ZFPM1: variants seen among roughly 807,000 people sequenced by gnomAD.
ZFPM1 encodes zinc finger protein ZFPM1.
ZFPM1 carries 28 observed loss-of-function variants against 46.3 expected under a neutral mutation model. The observed-to-expected ratio is 0.60, with a 90% confidence interval of 0.45 to 0.83. The LOEUF is 0.83. Among genes scored for constraint, ZFPM1 ranks in the 40% least tolerant of loss-of-function variants. The probability of loss-of-function intolerance (pLI) is 0.00; values close to 1 mark genes in which losing one functional copy is unlikely to be tolerated. For missense variants in ZFPM1, 1,878 were observed against 1,432.4 expected, an observed-to-expected ratio of 1.31 and a Z score of -5.02; for synonymous variants, 957 against 675.9, an observed-to-expected ratio of 1.42 and a Z score of -6.45.
At chr16:88,526,169 A>G (rs1410777057) in intron 4 of ZFPM1, among the ~76,000 whole-genome samples, 1 of 152,226 alleles carries the variant, frequency 6.6e-6, no homozygotes, top group Admixed American at 6.5e-5. Flanking sequence ...GGTGCTCCCC[A>G]GCGTCCGCCG....
Position 88,486,016 on chromosome 16 carries a change from C to T in ZFPM1, c.118C>T (p.Pro40Ser). 1 of 1,612,666 alleles carries T rather than the reference C, an allele frequency of 6.2e-7. No individual in the cohort carries two copies. Reference protein sequence around the residue: ...ASHMEQKATAPEAPSPPSADV... With the variant: ...ASHMEQKATASEAPSPPSADV... ...CCACATGGAGCAAAAGGCCACGGCA[C>T]CTGAAGCCCCGAGCCCTCCCAGCGC... The change falls in exon 2 of 10, where the codon CCT (proline) becomes TCT (serine). Residue 40 changes from proline to serine, a missense_variant. Pro to Ser is a moderately conservative substitution (Grantham distance 74). Coordinates refer to ENST00000319555, the MANE Select transcript of ZFPM1 (RefSeq NM_153813.3).
At chr16:88,518,065 C>T (rs1407036724) in intron 4 of ZFPM1, among the ~76,000 whole-genome samples, 1 of 152,052 alleles carries the variant, frequency 6.6e-6, no homozygotes, top group East Asian at 1.9e-4. Flanking sequence ...ATTAGCCGGG[C>T]ATGGTGGCGG....
intron 1 of ZFPM1, among the ~76,000 whole-genome samples, chr16:88,473,718 G>T (rs768258540): frequency 2.0e-5 from 3 of 152,144 alleles, no homozygotes; most frequent in Non-Finnish European, 4.4e-5. Context: ...GATTCTCGGG[G>T]CCGTGCTGGG....
chr16:88,496,887 C>T (rs1473036784), intron 3 of ZFPM1, among the ~76,000 whole-genome samples: 2 of 152,154 alleles, frequency 1.3e-5, no homozygotes, highest in African/African-American at 2.4e-5. Flanking sequence ...GTTAGGGAAA[C>T]GGGGGCTCAG....
intron 1 of ZFPM1, among the ~76,000 whole-genome samples, chr16:88,475,477 A>C (rs1380264726): frequency 6.6e-6 from 1 of 151,020 alleles, no homozygotes; most frequent in Admixed American, 6.6e-5. Context: ...CTGTGTCCCA[A>C]TCCCACCCAA....
At chr16:88,452,838 C>A (rs1342159640), upstream of ZFPM1, among the ~76,000 whole-genome samples, 2 of 152,290 alleles carry the variant, frequency 1.3e-5, no homozygotes, top group South Asian at 2.1e-4. Context: ...GCGCAGGATG[C>A]GGTGCCGCGG....
chr16:88,474,768 T>C (rs939687224), intron 1 of ZFPM1, among the ~76,000 whole-genome samples: 3 of 152,148 alleles, frequency 2.0e-5, no homozygotes, highest in Admixed American at 6.5e-5. Context: ...AGGATGTTCA[T>C]TTGCTCCGCT....
chr16:88,517,624 T>C (rs995340407), intron 4 of ZFPM1, among the ~76,000 whole-genome samples: 9 of 147,792 alleles, frequency 6.1e-5, no homozygotes, highest in Admixed American at 6.1e-4. Context: ...GGTGGATGGA[T>C]AGGTGGGTAG....
Position 88,533,853 on chromosome 16 carries a change from C to G in ZFPM1, c.1895C>G (p.Pro632Arg), listed in dbSNP as rs1011207164. ...GCGCCCCCCGGCCAGCCCGCCGAAC[C>G]CGACGCGCCGCGCTCGTCCCCGGGC... ...ARAPPGQPAE[P>R]DAPRSSPGPG... The change falls in exon 10 of 10, where the codon CCC becomes CGC. Residue 632 changes from proline (P) to arginine (R), a missense_variant. By Grantham distance (103) the Pro-to-Arg change is moderately radical. Coordinates refer to ENST00000319555, the MANE Select transcript of ZFPM1 (RefSeq NM_153813.3). The G allele has an allele frequency of 1.0e-6, 1 of 984,598 alleles. No individual in the cohort carries two copies. The highest frequency in any genetic ancestry group is 1.8e-5 in the African/African-American group (1 of 56,332). The allele number at this position is 984,598 out of a possible 1,614,324, so 61.0% of individuals were successfully genotyped here.
At chr16:88,461,277 G>A (rs1374425859) in intron 1 of ZFPM1, among the ~76,000 whole-genome samples, 1 of 150,280 alleles carries the variant, frequency 6.7e-6, no homozygotes, top group Non-Finnish European at 1.5e-5. Context: ...ACGGGTGCGA[G>A]GCCTGGTGAG....
Position 88,501,234 on chromosome 16 carries a change from T to G in ZFPM1, c.268+12081T>G, listed in dbSNP as rs796905946. ...GATGGAGATAGCGGGTGTGGGTGCA[T>G]GGGCTCTCCCGCAGGTACTGGTGAT... On this transcript the variant is annotated intron_variant, in intron 3 of 9. Coordinates refer to ENST00000319555, the MANE Select transcript of ZFPM1 (RefSeq NM_153813.3). Among the ~76,000 whole-genome samples the G allele has an allele frequency of 5.5e-3, 301 of 54,852 alleles. 4 individuals are homozygous for G. The highest frequency in any genetic ancestry group is 7.9e-3 in the African/African-American group (98 of 12,412). The allele number at this position is 54,852 out of a possible 152,430, so 36.0% of individuals were successfully genotyped here.
At chr16:88,532,420 G>A (rs367865908) in intron 7 of ZFPM1, among the ~76,000 whole-genome samples, 185 bp downstream of exon 7, 96 of 152,320 alleles carry the variant, frequency 6.3e-4, no homozygotes, top group South Asian at 6.2e-4. Flanking sequence ...GGCTATCTGG[G>A]TAGTCAGCTG....
At chr16:88,468,911 C>G (rs1908286413) in intron 1 of ZFPM1, 1 of 153,574 alleles carries the variant, frequency 6.5e-6, no homozygotes, top group Admixed American at 6.5e-5. Flanking sequence ...ACCACCGGCT[C>G]TGGAAGGGCC....
rs1567539299 is a variant in ZFPM1 at position 88,497,411 on chromosome 16, A to AGGGGTCAGGGTG, written c.268+8262_268+8273dup. Among the ~76,000 whole-genome samples the AGGGGTCAGGGTG allele has an allele frequency of 4.4e-5, 4 of 89,942 alleles. No homozygotes were observed. Among genetic ancestry groups the AGGGGTCAGGGTG allele is most frequent in the Admixed American group, 1.3e-4 (1 of 7,992 alleles). The allele number at this position is 89,942 out of a possible 152,430, so 59.0% of individuals were successfully genotyped here. A position where few individuals can be genotyped will look rare whatever the true frequency, so the allele number is the denominator to read the frequency against. On this transcript the variant is annotated intron_variant, in intron 3 of 9. Coordinates refer to ENST00000319555, the MANE Select transcript of ZFPM1 (RefSeq NM_153813.3). The surrounding 1 kb of genome is among the most constrained non-coding windows in gnomAD (Gnocchi z 5.4). Reference sequence around the variant, plus strand: ...GGGCCCGGGCGGGGATGGGGTTCAGAGGGGTCAGGGTGGGGCTCAGGGCCT... The same window carrying AGGGGTCAGGGTG: ...GGGCCCGGGCGGGGATGGGGTTCAGAGGGGTCAGGGTGGGGGTCAGGGTGGGGCTCAGGGCCT...
chr16:88,487,699 A>G (rs181164244), intron 2 of ZFPM1, among the ~76,000 whole-genome samples: 10 of 152,156 alleles, frequency 6.6e-5, no homozygotes, highest in African/African-American at 9.6e-5. Flanking sequence ...CGCGGCCCCA[A>G]GAGCCCAGCA....
chr16:88,454,112 C>T (rs1907425765), intron 1 of ZFPM1, among the ~76,000 whole-genome samples: 1 of 152,174 alleles, frequency 6.6e-6, no homozygotes, highest in African/African-American at 2.4e-5. Context: ...TCTTATCTCG[C>T]GCGGTTGACT....
rs1910110959 is a variant in ZFPM1, at chr16:88,499,203, G to A, written c.268+10050G>A. On this transcript the variant is annotated intron_variant, in intron 3 of 9. Transcript: ENST00000319555. Reference sequence around the variant, plus strand: ...ATACAGAAGCCGCCTCCTGAACCTGGCCCTGACTTCAGCCTCCACCCCGGG... The same window carrying A: ...ATACAGAAGCCGCCTCCTGAACCTGACCCTGACTTCAGCCTCCACCCCGGG... Among the ~76,000 whole-genome samples the A allele has an allele frequency of 2.6e-5, 4 of 152,272 alleles. No homozygotes were observed. In the South Asian group the frequency reaches 8.3e-4, roughly 32 times the overall value.
rs374555875 is a variant in ZFPM1, at chr16:88,531,746, T to C, written c.713-256T>C. On this transcript the variant is annotated intron_variant, in intron 6 of 9. Transcript: ENST00000319555. The stretch of plus-strand genomic sequence containing the variant: ...AAGCATCTCCTTATGGGGCTCACCA[T>C]TGGAAGGGGACCCATAGGGGTTCAC... Among the ~76,000 whole-genome samples, 21 of 152,320 alleles carry C rather than the reference T, an allele frequency of 1.4e-4. No individual in the cohort carries two copies. In the East Asian group the frequency reaches 1.5e-3, roughly 11 times the overall value.
intron 3 of ZFPM1, among the ~76,000 whole-genome samples, chr16:88,494,445 C>T (rs1032761370): frequency 4.6e-5 from 7 of 152,184 alleles, no homozygotes; most frequent in African/African-American, 1.4e-4. Context: ...GCAGGACGCC[C>T]GGCCGGGGTG....
Sources: gnomAD v4.1 joint callset for allele counts (sites outside exome capture counted in the v4.1 genomes callset) on GRCh38, gnomAD v4.1.1 for gene constraint, Gnocchi (gnomAD v3.1) non-coding constraint, MANE v1.5 for transcripts, NCBI Gene and HGNC (gene_info 2026-07-23, HGNC 2026-07-21) for gene names.